The following CHD5 variants were observed in gnomAD, a reference collection of about 807,000 sequenced individuals.
CHD5 encodes the protein chromodomain helicase DNA binding protein 5.
CHD5 carries 69 observed loss-of-function variants against 230.3 expected under a neutral mutation model. The observed-to-expected ratio is 0.30, with a 90% CI of 0.25 to 0.37. The LOEUF (loss-of-function observed/expected upper bound fraction) is 0.37, where lower values mean the gene tolerates loss of function less well. Among genes scored for constraint, CHD5 ranks in the 10% least tolerant of loss-of-function variants. The pLI, the probability that CHD5 is intolerant of heterozygous loss-of-function variation, is 1.00. For missense variants in CHD5, 1,827 were observed against 2,622.8 expected (o/e 0.70, Z 6.63); for synonymous variants, 1,064 against 1,065.9 (o/e 1.00, Z 0.03).
intron 20 of CHD5, among the ~76,000 whole-genome samples, chr1:6,132,525 C>A (rs1557546503): frequency 6.6e-6 from 1 of 152,206 alleles, no homozygotes; most frequent in Non-Finnish European, 1.5e-5. Flanking sequence ...ACAAATCCAA[C>A]TTCTTCACCA....
At position 6,125,501 on chromosome 1, in the gene CHD5, A is replaced by G. The variant is rs1472870184; in HGVS notation, c.4260+23T>C. The G allele has an allele frequency of 1.9e-6, 3 of 1,558,430 alleles. No individual in the cohort carries two copies. The East Asian group carries it at 7.2e-5, about 38-fold the overall frequency. ...CAGCAGGAAGCAGGGGCAGAAAGAGATGCGGGAACAGACAGGCCCCACCTC... is the reference window on the plus strand; with the variant it reads ...CAGCAGGAAGCAGGGGCAGAAAGAGGTGCGGGAACAGACAGGCCCCACCTC... On this transcript the variant is annotated intron_variant, in intron 28 of 41. Coordinates refer to ENST00000262450, the MANE Select transcript of CHD5 (RefSeq NM_015557.3). This position sits in a 1 kb window ranked among gnomAD's most constrained non-coding sequence, Gnocchi z 6.7.
Position 6,102,075 on chromosome 1 carries a change from G to A in CHD5, c.*3399C>T, listed in dbSNP as rs751207987. 2.8e-5 allele frequency: 11 copies of A among 390,022 alleles called. No homozygotes were observed. The highest frequency in any genetic ancestry group is 5.6e-5 in the Non-Finnish European group (11 of 196,520). 24.2% of individuals were successfully genotyped at this position (390,022 alleles called of 1,614,324 possible). On this transcript the variant is annotated 3_prime_UTR_variant, in exon 42 of 42. Coordinates refer to ENST00000262450, the MANE Select transcript of CHD5 (RefSeq NM_015557.3). ...GGTCGGCCCCCTCTTAGCTGGGCCT[G>A]GGCCGGTGGAGTCTGCTCCCTCCAC...
At chr1:6,115,194 C>T (rs1367463801) in intron 33 of CHD5, among the ~76,000 whole-genome samples, 3 of 148,988 alleles carry the variant, frequency 2.0e-5, no homozygotes, top group Admixed American at 6.7e-5. Context: ...GGCGTGGTGG[C>T]GGGTGCCTGT....
intron 1 of CHD5, among the ~76,000 whole-genome samples, chr1:6,173,975 T>TG (rs1000991272): frequency 6.6e-6 from 1 of 151,546 alleles, no homozygotes. Flanking sequence ...CAGTCCTGAG[T>TG]GGGGAGTGGA....
intron 2 of CHD5, among the ~76,000 whole-genome samples, chr1:6,161,481 C>G (rs1428733821): frequency 6.6e-6 from 1 of 152,226 alleles, no homozygotes; most frequent in Non-Finnish European, 1.5e-5. Flanking sequence ...GCCCATTAAG[C>G]CTCCAGAGTC....
chr1:6,159,656 C>T, intron 2 of CHD5, 141 bp from the exon 3 acceptor site: 1 of 696,126 alleles, frequency 1.4e-6, no homozygotes, highest in Non-Finnish European at 2.4e-6. Context: ...TCATCAGAGG[C>T]CACTGCTCAC....
Position 6,142,477 on chromosome 1 carries a change from G to C in CHD5, c.2172C>G (p.Ala724=). The change falls in exon 14 of 42, where the codon GCC becomes GCG. Residue 724 remains alanine, a synonymous_variant. Transcript: ENST00000262450. This position sits in a 1 kb window ranked among gnomAD's most constrained non-coding sequence, Gnocchi z 5.2. The part of the protein sequence containing the change: ...SWAQGTDTIL[A]DEMGLGKTVQ... ...CCGTCTTGCCCAGACCCATCTCATC[G>C]GCCAGGATGGTGTCAGTGCCCTGGG... The C allele has an allele frequency of 6.2e-7, 1 of 1,614,158 alleles. No homozygotes were observed. The highest frequency in any genetic ancestry group is 8.5e-7 in the Non-Finnish European group (1 of 1,180,030).
At chr1:6,150,965 G>A in intron 7 of CHD5, 67 bp downstream of exon 7, 1 of 1,419,616 alleles carries the variant, frequency 7.0e-7, no homozygotes, top group South Asian at 1.8e-5. Flanking sequence ...GTCCAGATGG[G>A]GAGTCCTACT....
chr1:6,149,491 A>G, intron 7 of CHD5, 79 bp from the exon 8 acceptor site: 1 of 1,444,918 alleles, frequency 6.9e-7, no homozygotes, highest in South Asian at 1.4e-5. Context: ...CCCAGGCCAG[A>G]CAGGCACAGA....
intron 1 of CHD5, among the ~76,000 whole-genome samples, chr1:6,172,925 G>A (rs1164314330): frequency 3.9e-5 from 6 of 152,180 alleles, no homozygotes; most frequent in African/African-American, 7.2e-5. Flanking sequence ...AGGGGAAGGC[G>A]CGTGACTGTG....
chr1:6,112,365 A>G (rs1666306281), intron 34 of CHD5, 88 bp from the exon 35 acceptor site: 1 of 1,522,056 alleles, frequency 6.6e-7, no homozygotes, highest in East Asian at 2.3e-5. Flanking sequence ...GGGACCCAGG[A>G]GGCAAGTAGA....
chr1:6,123,564 T>C (rs1250719892), intron 31 of CHD5, among the ~76,000 whole-genome samples: 1 of 152,014 alleles, frequency 6.6e-6, no homozygotes, highest in Non-Finnish European at 1.5e-5. Flanking sequence ...GCAGCCGGGA[T>C]TACAGGCACG....
intron 3 of CHD5, among the ~76,000 whole-genome samples, chr1:6,158,041 G>C (rs1184725210): frequency 6.6e-6 from 1 of 152,190 alleles, no homozygotes; most frequent in Non-Finnish European, 1.5e-5. Context: ...CTTTAAATCT[G>C]TGACCAGCCC....
chr1:6,139,093 G>A (rs1441346223), intron 15 of CHD5, among the ~76,000 whole-genome samples: 2 of 152,224 alleles, frequency 1.3e-5, no homozygotes, highest in African/African-American at 4.8e-5. Context: ...ATGGGTGGCT[G>A]CCAGGGGCTC....
chr1:6,136,029 A>T lies in CHD5; in HGVS notation c.2696+488T>A. Among the ~76,000 whole-genome samples, 2 of 113,732 alleles carry T rather than the reference A, an allele frequency of 1.8e-5. 1 individual carries two copies. Among genetic ancestry groups the T allele is most frequent in the Admixed American group, 1.8e-4 (2 of 11,184 alleles). The allele number at this position is 113,732 out of a possible 152,430, so 74.6% of individuals were successfully genotyped here. ...TTTCTTTTAATAAAAAAAAACAACAAAAAAAAAAAACACTGCATCTCCTGA... is the reference window on the plus strand; with the variant it reads ...TTTCTTTTAATAAAAAAAAACAACATAAAAAAAAAACACTGCATCTCCTGA... On this transcript the variant is annotated intron_variant, in intron 17 of 41. Coordinates refer to ENST00000262450, the MANE Select transcript of CHD5 (RefSeq NM_015557.3).
chr1:6,175,703 TGGATGGAC>T (rs1337939972), intron 1 of CHD5, among the ~76,000 whole-genome samples: 1 of 149,146 alleles, frequency 6.7e-6, no homozygotes, highest in African/African-American at 2.5e-5. Context: ...GATGGATGGA[TGGATGGAC>T]GGACGGACGG....
rs1205963359 is a variant in CHD5 at position 6,128,795 on chromosome 1, C to T, written c.3619+43G>A. 1 of 1,540,476 alleles carries T rather than the reference C, an allele frequency of 6.5e-7. No individual in the cohort carries two copies. On this transcript the variant is annotated intron_variant, in intron 23 of 41. Transcript: ENST00000262450. This position sits in a 1 kb window ranked among gnomAD's most constrained non-coding sequence, Gnocchi z 7.8. ...GCCCTGGATGGGTGTCTCAGCCGGG[C>T]CACCCCAGTCCCCTGCCACGCTCCC...
At chr1:6,156,535 C>CAAAA (rs1225146962) in intron 3 of CHD5, among the ~76,000 whole-genome samples, 1 of 63,796 alleles carries the variant, frequency 1.6e-5, no homozygotes, top group Non-Finnish European at 3.3e-5. Flanking sequence ...GATTCTGTCT[C>CAAAA]AAAAAAAAAA....
chr1:6,154,719 C>T lies in CHD5; in HGVS notation c.686G>A (p.Ser229Asn). ...TVTISPPLAV[S>N]PPQVPQPVPI... ...CACAGGCTGGGGCACCTGCGGGGGG[C>T]TGACGGCTAGCGGAGGGGAGATGGT... Residue 229 changes from serine to asparagine, a missense_variant, in exon 5 of 42, where the codon AGC (serine) becomes AAC (asparagine). Ser to Asn is a conservative substitution (Grantham distance 46). Transcript: ENST00000262450. The surrounding 1 kb of genome is among the most constrained non-coding windows in gnomAD (Gnocchi z 7.0). 1 of 1,606,926 alleles carries T rather than the reference C, an allele frequency of 6.2e-7. No individual in the cohort carries two copies. The highest frequency in any genetic ancestry group is 8.5e-7 in the Non-Finnish European group (1 of 1,176,402).
Sources: gnomAD v4.1 joint callset for allele counts (sites outside exome capture counted in the v4.1 genomes callset) on GRCh38, gnomAD v4.1.1 for gene constraint, Gnocchi (gnomAD v3.1) non-coding constraint, MANE v1.5 for transcripts, NCBI Gene and HGNC (gene_info 2026-07-23, HGNC 2026-07-21) for gene names.